The following DLG1 variants were observed in gnomAD, a reference collection of about 807,000 sequenced individuals.
The protein encoded by DLG1 is disks large homolog 1.
A neutral mutation model predicts 123.4 loss-of-function variants in DLG1; 42 were observed. That is an observed-to-expected ratio of 0.34 (90% CI 0.27 to 0.44). The LOEUF (loss-of-function observed/expected upper bound fraction) is 0.44, where lower values mean the gene tolerates loss of function less well. Ranked by LOEUF, DLG1 falls within the 20% of genes least tolerant of loss-of-function variation. The pLI, the probability that DLG1 is intolerant of heterozygous loss-of-function variation, is 1.00. For synonymous variants in DLG1, 317 were observed against 356.2 expected, an observed-to-expected ratio of 0.89 and a Z score of 1.24; for missense variants, 942 against 1,082.6, an observed-to-expected ratio of 0.87 and a Z score of 1.82.
intron 1 of DLG1, 92 bp from the exon 2 acceptor site, chr3:197,297,327 G>C: frequency 2.6e-6 from 4 of 1,532,530 alleles, no homozygotes; most frequent in East Asian, 2.4e-5. Flanking sequence ...CAGCCTATTT[G>C]AAAACCCCAC....
chr3:197,087,271 G>GTA (rs1296010605), intron 15 of DLG1, among the ~76,000 whole-genome samples: 1 of 150,448 alleles, frequency 6.6e-6, no homozygotes, highest in African/African-American at 2.4e-5. Context: ...AAGATATAAT[G>GTA]TATGTTTTTG....
chr3:197,252,564 CTGAGGGAATGAGGAGTTATTGTCTGA>C (rs1754968633), intron 4 of DLG1, among the ~76,000 whole-genome samples: 1 of 152,038 alleles, frequency 6.6e-6, no homozygotes, highest in African/African-American at 2.4e-5. Flanking sequence ...AGAATGATGG[CTGAGGGAATGAGGAGTTATTGTCTGA>C]TGAGGGAATG....
At chr3:197,180,726 T>C (rs1809785578) in intron 5 of DLG1, among the ~76,000 whole-genome samples, 1 of 151,804 alleles carries the variant, frequency 6.6e-6, no homozygotes, top group East Asian at 1.9e-4. Flanking sequence ...TGGAGGATAG[T>C]ATGAAGAATG....
intron 18 of DLG1, among the ~76,000 whole-genome samples, chr3:197,073,815 T>C (rs1470583232): frequency 6.6e-6 from 1 of 152,110 alleles, no homozygotes; most frequent in Non-Finnish European, 1.5e-5. Context: ...TTTTTTTTTC[T>C]TGATATTCAG....
intron 4 of DLG1, among the ~76,000 whole-genome samples, chr3:197,239,383 T>C (rs1747692073): frequency 1.3e-5 from 2 of 152,184 alleles, no homozygotes; most frequent in African/African-American, 4.8e-5. Flanking sequence ...CACTGGTGAA[T>C]TCTGCCAACC....
chr3:197,072,670 A>G (rs1172238236), intron 18 of DLG1, among the ~76,000 whole-genome samples: 1 of 146,678 alleles, frequency 6.8e-6, no homozygotes, highest in African/African-American at 2.6e-5. Flanking sequence ...ATTTTTGTTT[A>G]TGATTGTCTT....
intron 23 of DLG1, among the ~76,000 whole-genome samples, chr3:197,052,660 C>T (rs140103508): frequency 1.3e-5 from 2 of 152,150 alleles, no homozygotes; most frequent in African/African-American, 4.8e-5. Context: ...TAGAGATCTA[C>T]CTATCAGTTT....
At chr3:197,200,850 C>CAT (rs1447086832) in intron 4 of DLG1, among the ~76,000 whole-genome samples, 3 of 151,984 alleles carry the variant, frequency 2.0e-5, no homozygotes, top group Non-Finnish European at 4.4e-5. Context: ...AAAAAAAGAC[C>CAT]ATATATAACA....
intron 5 of DLG1, among the ~76,000 whole-genome samples, chr3:197,192,191 A>C (rs1019689404): frequency 6.6e-6 from 1 of 152,202 alleles, no homozygotes; most frequent in East Asian, 1.9e-4. Context: ...AAAACAAAAA[A>C]GACAAAATGG....
At position 197,168,451 on chromosome 3, in the gene DLG1, G is replaced by A. The variant is rs896916992; in HGVS notation, c.484-18655C>T. 5.3e-5 allele frequency among the ~76,000 whole-genome samples: 8 copies of A among 152,176 alleles called. 1 individual carries two copies. Among genetic ancestry groups the A allele is most frequent in the Admixed American group, 4.6e-4 (7 of 15,284 alleles). ...AACAAATAATAATCAAATGAAGGCT[G>A]ACTGATGAGGAACAGCAAAGATATC... On this transcript the variant is annotated intron_variant, in intron 5 of 24. Coordinates refer to ENST00000667157, the MANE Select transcript of DLG1 (RefSeq NM_001366207.1).
At chr3:197,221,978 A>G (rs1375102193) in intron 4 of DLG1, among the ~76,000 whole-genome samples, 1 of 152,182 alleles carries the variant, frequency 6.6e-6, no homozygotes, top group Non-Finnish European at 1.5e-5. Context: ...AATCATCTCT[A>G]GAGTACTTAC....
chr3:197,052,246 G>A (rs901839323), intron 23 of DLG1, among the ~76,000 whole-genome samples: 3 of 152,124 alleles, frequency 2.0e-5, no homozygotes, highest in African/African-American at 7.2e-5. Flanking sequence ...CTTGAGGTAA[G>A]GAGTTCAGGG....
chr3:197,107,339 T>C (rs1485850609), intron 13 of DLG1, among the ~76,000 whole-genome samples: 3 of 152,072 alleles, frequency 2.0e-5, no homozygotes, highest in Non-Finnish European at 4.4e-5. Flanking sequence ...GGTCAGGAGA[T>C]CGAGACCTTC....
At chr3:197,070,116 G>C (rs866934744) in intron 18 of DLG1, 2 of 151,878 alleles carry the variant, frequency 1.3e-5, no homozygotes, top group Non-Finnish European at 2.9e-5. Context: ...CCATGTAAAT[G>C]TCATCTCAAG....
chr3:197,178,821 T>C (rs984542106), intron 5 of DLG1, among the ~76,000 whole-genome samples: 3 of 151,848 alleles, frequency 2.0e-5, no homozygotes, highest in African/African-American at 7.3e-5. Flanking sequence ...GGCCACTGGA[T>C]TTGATAATCT....
intron 3 of DLG1, among the ~76,000 whole-genome samples, chr3:197,288,311 C>CCTCG (rs1311396971): frequency 7.0e-6 from 1 of 142,596 alleles, no homozygotes; most frequent in Non-Finnish European, 1.5e-5. Flanking sequence ...TAGCAGTGAG[C>CCTCG]CGAGATTGCA....
intron 4 of DLG1, among the ~76,000 whole-genome samples, chr3:197,241,008 A>G (rs1382359942): frequency 6.6e-6 from 1 of 152,168 alleles, no homozygotes; most frequent in East Asian, 1.9e-4. Flanking sequence ...ATAATAGAAA[A>G]CTTTCCACAA....
intron 24 of DLG1, among the ~76,000 whole-genome samples, chr3:197,050,593 G>A (rs1159677772): frequency 6.6e-6 from 1 of 152,150 alleles, no homozygotes; most frequent in African/African-American, 2.4e-5. Flanking sequence ...AGCAAATACT[G>A]TATTTCATTT....
At chr3:197,048,529 C>A (rs1051563168) in intron 24 of DLG1, among the ~76,000 whole-genome samples, 1 of 151,868 alleles carries the variant, frequency 6.6e-6, no homozygotes, top group African/African-American at 2.4e-5. Context: ...TGGCTGTTAT[C>A]AAAAAGATAA....
Sources: gnomAD v4.1 joint callset for allele counts (sites outside exome capture counted in the v4.1 genomes callset) on GRCh38, gnomAD v4.1.1 for gene constraint, MANE v1.5 for transcripts, NCBI Gene and HGNC (gene_info 2026-07-23, HGNC 2026-07-21) for gene names.